Variants in GALNT13 observed in about 807,000 individuals in gnomAD.
The protein encoded by GALNT13 is UDP-GalNAc:polypeptide N-acetylgalactosaminyltransferase 13.
A neutral mutation model predicts 64.2 loss-of-function variants in GALNT13; 28 were observed. The ratio of observed to expected loss-of-function variants is 0.44; its 90% CI spans 0.32 to 0.60. The LOEUF (loss-of-function observed/expected upper bound fraction) is 0.60. GALNT13 is among the 20% of genes least tolerant of loss of function. GALNT13 has a pLI of 0.05. For missense variants in GALNT13, 577 were observed against 669.8 expected (o/e 0.86, Z 1.53); for synonymous variants, 214 against 224.6 (o/e 0.95, Z 0.42).
At chr2:153,731,315 A>C in the GALNT13 span, among the ~76,000 whole-genome samples, 1 of 151,916 alleles carries the variant, frequency 6.6e-6, no homozygotes, top group East Asian at 1.9e-4. Context: ...ACACGTGGAC[A>C]TATAGAGTGG....
the GALNT13 span, among the ~76,000 whole-genome samples, chr2:153,634,938 A>T: frequency 6.6e-6 from 1 of 151,630 alleles, no homozygotes; most frequent in South Asian, 2.1e-4. Context: ...GTTCTCTCTT[A>T]CCTCTGGGAG....
the GALNT13 span, among the ~76,000 whole-genome samples, chr2:153,311,893 A>G: frequency 6.6e-6 from 1 of 152,212 alleles, no homozygotes; most frequent in African/African-American, 2.4e-5. Flanking sequence ...TAAGAAGTAT[A>G]TATGTTTTTA....
chr2:153,262,142 A>T, the GALNT13 span, among the ~76,000 whole-genome samples: 1 of 152,116 alleles, frequency 6.6e-6, no homozygotes, highest in Non-Finnish European at 1.5e-5. Flanking sequence ...GTCTTTCCTT[A>T]TAGCCACCAC....
At chr2:153,573,041 T>C in the GALNT13 span, among the ~76,000 whole-genome samples, 3 of 152,022 alleles carry the variant, frequency 2.0e-5, no homozygotes, top group Non-Finnish European at 4.4e-5. Context: ...TGTGGGGTGT[T>C]GAAGACTCCA....
At chr2:153,974,601 A>G (rs1020272448) in intron 3 of GALNT13, among the ~76,000 whole-genome samples, 1 of 152,110 alleles carries the variant, frequency 6.6e-6, no homozygotes, top group African/African-American at 2.4e-5. Context: ...CCTATAGAGT[A>G]GGCTAATAAG....
intron 4 of GALNT13, among the ~76,000 whole-genome samples, chr2:154,199,755 T>A (rs1687074450): frequency 1.3e-5 from 2 of 152,084 alleles, no homozygotes; most frequent in African/African-American, 4.8e-5. Context: ...GTGCAGGGAA[T>A]CTGCAATTTT....
the GALNT13 span, among the ~76,000 whole-genome samples, chr2:153,694,520 T>C: frequency 1.3e-5 from 2 of 152,194 alleles, no homozygotes; most frequent in South Asian, 4.1e-4. Flanking sequence ...ACAGGACATA[T>C]GTATGATTCA....
At chr2:153,096,388 G>C in the GALNT13 span, among the ~76,000 whole-genome samples, 2 of 152,054 alleles carry the variant, frequency 1.3e-5, no homozygotes, top group African/African-American at 4.8e-5. Flanking sequence ...GATTCCTTTG[G>C]TCTATAATGC....
intron 7 of GALNT13, among the ~76,000 whole-genome samples, chr2:154,256,525 G>C (rs1159390729): frequency 1.3e-5 from 2 of 152,118 alleles, no homozygotes; most frequent in Non-Finnish European, 2.9e-5. Context: ...TCAGCATCTT[G>C]GATATGAGGT....
At chr2:154,242,933 G>C (rs1378488673) in intron 6 of GALNT13, 28 bp downstream of exon 6, 1 of 1,572,228 alleles carries the variant, frequency 6.4e-7, no homozygotes, top group Non-Finnish European at 8.7e-7. Context: ...CTGTCTGCCT[G>C]GGTTATGACT....
intron 11 of GALNT13, among the ~76,000 whole-genome samples, chr2:154,414,469 C>A (rs1699919365): frequency 6.6e-6 from 1 of 151,514 alleles, no homozygotes; most frequent in African/African-American, 2.4e-5. Flanking sequence ...ACCACACTTT[C>A]CAGGATTATA....
chr2:153,075,286 G>T, the GALNT13 span, among the ~76,000 whole-genome samples: 1 of 152,090 alleles, frequency 6.6e-6, no homozygotes, highest in South Asian at 2.1e-4. Flanking sequence ...ACTGTGTGTA[G>T]GCTTATTCAG....
chr2:154,047,634 C>A (rs577733494), intron 3 of GALNT13, among the ~76,000 whole-genome samples: 1 of 152,170 alleles, frequency 6.6e-6, no homozygotes, highest in South Asian at 2.1e-4. Context: ...CCTGGTTCAT[C>A]GTAAATGCTC....
chr2:153,234,406 G>A, the GALNT13 span, among the ~76,000 whole-genome samples: 22 of 152,102 alleles, frequency 1.4e-4, no homozygotes. Context: ...GTGAGAGCAG[G>A]GCTGTGGCAT....
chr2:153,537,744 C>A, the GALNT13 span, among the ~76,000 whole-genome samples: 7 of 152,062 alleles, frequency 4.6e-5, no homozygotes, highest in Non-Finnish European at 7.4e-5. Flanking sequence ...TTTTATAAGG[C>A]GATTTTCCCC....
intron 3 of GALNT13, among the ~76,000 whole-genome samples, chr2:154,112,772 A>G (rs1208710407): frequency 6.6e-6 from 1 of 152,194 alleles, no homozygotes; most frequent in Non-Finnish European, 1.5e-5. Context: ...GTGCCTGCAT[A>G]TCGTGCAGAA....
At chr2:154,178,853 A>G (rs1559007810) in intron 4 of GALNT13, among the ~76,000 whole-genome samples, 1 of 152,158 alleles carries the variant, frequency 6.6e-6, no homozygotes, top group Non-Finnish European at 1.5e-5. Flanking sequence ...CTCCCTTCCT[A>G]ACATCTTTCA....
At chr2:153,542,671 G>A in the GALNT13 span, among the ~76,000 whole-genome samples, 1 of 152,124 alleles carries the variant, frequency 6.6e-6, no homozygotes, top group African/African-American at 2.4e-5. Context: ...ATGAAGGATG[G>A]GGGATTCTGG....
At chr2:153,716,572 A>ATCTGAAT in the GALNT13 span, among the ~76,000 whole-genome samples, 3 of 152,128 alleles carry the variant, frequency 2.0e-5, no homozygotes, top group Non-Finnish European at 4.4e-5. Flanking sequence ...GTAAGCAATA[A>ATCTGAAT]TCTGAATTGC....
Sources: allele counts gnomAD v4.1 joint callset (sites outside exome capture counted in the v4.1 genomes callset), GRCh38; gene constraint gnomAD v4.1.1; transcripts MANE v1.5; gene names NCBI Gene and HGNC (gene_info 2026-07-23, HGNC 2026-07-21).